The following WIF1 variants were observed in gnomAD, a reference collection of about 807,000 sequenced individuals.
WIF1 encodes the protein Wnt inhibitory factor 1.
Under a neutral mutation model 53.5 loss-of-function variants are expected in WIF1, and 35 were observed. The ratio of observed to expected loss-of-function variants is 0.65; its 90% CI spans 0.50 to 0.87. The LOEUF is 0.87. WIF1 is among the 40% of genes least tolerant of loss of function. WIF1 has a pLI of 0.00. For missense variants in WIF1, 467 were observed against 476.8 expected, an observed-to-expected ratio of 0.98 and a Z score of 0.19; for synonymous variants, 171 against 170.4, an observed-to-expected ratio of 1.00 and a Z score of -0.03.
In WIF1 at chr12:65,121,116, C is replaced by G. The variant is rs770435996; in HGVS notation, c.76G>C (p.Ala26Pro). Residue 26 changes from alanine to proline, a missense_variant, in exon 1 of 10, where the codon GCG becomes CCG. Transcript: ENST00000286574. ...SILLCLLALR[A>P]EAGPPQEESL... Reference sequence around the variant, plus strand: ...TCCTCCTGCGGCGGCCCGGCCTCCGCCCGCAGTGCCAGCAGGCACAGGAGG... The same window carrying G: ...TCCTCCTGCGGCGGCCCGGCCTCCGGCCGCAGTGCCAGCAGGCACAGGAGG... 3 of 1,547,392 alleles carry G rather than the reference C, an allele frequency of 1.9e-6. No individual in the cohort carries two copies. The highest frequency in any genetic ancestry group is 2.4e-5 in the South Asian group (2 of 83,212).
intron 4 of WIF1, 95 bp downstream of exon 4, chr12:65,068,669 G>A (rs1446264902): frequency 5.2e-5 from 69 of 1,335,262 alleles, no homozygotes; most frequent in Non-Finnish European, 6.6e-5. Flanking sequence ...GTGTGTGTGT[G>A]TGTGTGTGTG....
rs770791619 is a variant in WIF1, at chr12:65,068,802, G to A, written c.500C>T (p.Thr167Ile). Residue 167 changes from threonine (T) to isoleucine (I), a missense_variant, in exon 4 of 10, where the codon ACA (threonine) becomes ATA (isoleucine). Transcript: ENST00000286574. ...TTTAAAGAAGATAGCATTTTGAGGT[G>A]TTTGGAGAATGGTGTTGCCTTCAGA... ...MNSEGNTILQ[T>I]PQNAIFFKTC... 2.5e-6 allele frequency: 4 copies of A among 1,613,676 alleles called. No homozygotes were observed. The highest frequency in any genetic ancestry group is 3.4e-6 in the Non-Finnish European group (4 of 1,179,700).
intron 2 of WIF1, among the ~76,000 whole-genome samples, chr12:65,119,814 T>C (rs1565763311): frequency 1.3e-5 from 2 of 152,212 alleles, no homozygotes; most frequent in Non-Finnish European, 2.9e-5. Context: ...AAGGAATGCT[T>C]CTTCATAAAA....
intron 6 of WIF1, among the ~76,000 whole-genome samples, chr12:65,064,852 G>A (rs910129555): frequency 1.3e-5 from 2 of 152,126 alleles, no homozygotes; most frequent in African/African-American, 4.8e-5. Context: ...CAATGGCCAC[G>A]CCTACATAAG....
chr12:65,060,540 GAGGGAA>G (rs1245471963), intron 7 of WIF1, among the ~76,000 whole-genome samples: 1 of 152,168 alleles, frequency 6.6e-6, no homozygotes, highest in East Asian at 1.9e-4. Context: ...CCAGTGTCTG[GAGGGAA>G]AGGGGAAGGG....
At position 65,115,473 on chromosome 12, in the gene WIF1, A is replaced by T. The variant is rs1883494882; in HGVS notation, c.288+4944T>A. Among the ~76,000 whole-genome samples the T allele has an allele frequency of 2.0e-5, 3 of 152,218 alleles. No individual in the cohort carries two copies. In the South Asian group the frequency reaches 6.2e-4, roughly 32 times the overall value. On this transcript the variant is annotated intron_variant, in intron 2 of 9. Transcript: ENST00000286574. ...TACTTGAAAGCCATTGGGCTTAGAA[A>T]GGGTTATTTTCCAAATAAAATGTTT...
intron 3 of WIF1, among the ~76,000 whole-genome samples, chr12:65,071,387 G>A (rs1369791120): frequency 2.6e-5 from 4 of 152,166 alleles, no homozygotes; most frequent in East Asian, 1.9e-4. Context: ...GAACAAAAGC[G>A]AGGTTGCAAA....
chr12:65,077,077 T>A (rs577029391), intron 3 of WIF1, among the ~76,000 whole-genome samples: 1 of 152,282 alleles, frequency 6.6e-6, no homozygotes, highest in East Asian at 1.9e-4. Flanking sequence ...ATCCTAATAT[T>A]TGACTTTGGG....
chr12:65,107,552 G>A (rs1334209663), intron 2 of WIF1, among the ~76,000 whole-genome samples: 1 of 152,316 alleles, frequency 6.6e-6, no homozygotes, highest in South Asian at 2.1e-4. Context: ...CCCAGGAGGT[G>A]GAGGTTGCAG....
rs1481807739 is a variant in WIF1 at position 65,054,015 on chromosome 12, G to A, written c.1018+1103C>T. On this transcript the variant is annotated intron_variant, in intron 9 of 9. Coordinates refer to ENST00000286574, the MANE Select transcript of WIF1 (RefSeq NM_007191.5). ...GATATGTGAGTGATTTGTTCAGTTT[G>A]TATCCATTACTTTGGAGACATAATA... The A allele has an allele frequency of 2.0e-5, 3 of 146,532 alleles. No individual in the cohort carries two copies. In the Admixed American group the frequency reaches 2.1e-4, roughly 10 times the overall value. 9.1% of individuals were successfully genotyped at this position (146,532 alleles called of 1,614,324 possible).
intron 9 of WIF1, 56 bp downstream of exon 9, chr12:65,055,062 C>A: frequency 6.3e-7 from 1 of 1,581,030 alleles, no homozygotes. Flanking sequence ...TGGTCTCCCA[C>A]TCACTTTTAT....
At chr12:65,058,285 G>T (rs541204974) in intron 7 of WIF1, among the ~76,000 whole-genome samples, 1 of 152,242 alleles carries the variant, frequency 6.6e-6, no homozygotes, top group South Asian at 2.1e-4. Flanking sequence ...AAGTGAGCAA[G>T]GTATAGGATG....
intron 3 of WIF1, among the ~76,000 whole-genome samples, chr12:65,073,343 A>G (rs1015430109): frequency 5.3e-5 from 8 of 152,208 alleles, no homozygotes; most frequent in Non-Finnish European, 1.2e-4. Context: ...CCTATTTAAC[A>G]GTGTAGACAT....
chr12:65,062,559 A>G lies in WIF1; in HGVS notation c.748T>C (p.Cys250Arg), dbSNP rs1398304325. The change falls in exon 7 of 10, where the codon TGC becomes CGC. Residue 250 changes from cysteine to arginine, a missense_variant. Transcript: ENST00000286574. Reference protein sequence around the residue: ...NCDKANCSTTCFNGGTCFYPG... With the variant: ...NCDKANCSTTRFNGGTCFYPG... ...TAGAAACAGGTCCCTCCATTAAAGC[A>G]GGTGGTTGAGCAGTTTGCTGTTAGA... 1 of 1,607,478 alleles carries G rather than the reference A, an allele frequency of 6.2e-7. No individual in the cohort carries two copies. The highest frequency in any genetic ancestry group is 8.5e-7 in the Non-Finnish European group (1 of 1,176,294).
chr12:65,050,808 C>G lies in WIF1; in HGVS notation c.*541G>C, dbSNP rs953107046. 4.5e-5 allele frequency: 9 copies of G among 198,220 alleles called. No homozygotes were observed. Among genetic ancestry groups the G allele is most frequent in the African/African-American group, 2.2e-4 (9 of 41,586 alleles). 12.3% of individuals were successfully genotyped at this position (198,220 alleles called of 1,614,324 possible). On this transcript the variant is annotated 3_prime_UTR_variant, in exon 10 of 10. Coordinates refer to ENST00000286574, the MANE Select transcript of WIF1 (RefSeq NM_007191.5). ...TTATATTGTTTAAATGCCACTACCA[C>G]AGTGTAATTTTTTTTTTTTTAATAC...
chr12:65,068,998 C>A, intron 3 of WIF1, 94 bp from the exon 4 acceptor site: 1 of 1,349,608 alleles, frequency 7.4e-7, no homozygotes, highest in African/African-American at 1.5e-5. Context: ...AAGGACAAAG[C>A]AAAAATGTTC....
At chr12:65,115,691 C>T (rs1417860488) in intron 2 of WIF1, among the ~76,000 whole-genome samples, 1 of 152,162 alleles carries the variant, frequency 6.6e-6, no homozygotes, top group Non-Finnish European at 1.5e-5. Context: ...AAATTCTTTT[C>T]TCATCTAAAA....
chr12:65,080,791 A>C (rs1882937112), intron 2 of WIF1, among the ~76,000 whole-genome samples: 1 of 152,214 alleles, frequency 6.6e-6, no homozygotes, highest in Admixed American at 6.5e-5. Context: ...AAATGAATGG[A>C]TAGAATGCAA....
intron 2 of WIF1, among the ~76,000 whole-genome samples, chr12:65,109,458 C>A (rs1883397813): frequency 6.6e-6 from 1 of 152,156 alleles, no homozygotes; most frequent in Admixed American, 6.5e-5. Context: ...ATTTCAGCTC[C>A]CACTTGCCCC....
Sources: allele counts gnomAD v4.1 joint callset (sites outside exome capture counted in the v4.1 genomes callset), GRCh38; gene constraint gnomAD v4.1.1; transcripts MANE v1.5; gene names NCBI Gene and HGNC (gene_info 2026-07-23, HGNC 2026-07-21).